Variants in SMPD3 observed in about 807,000 individuals in gnomAD.
SMPD3 encodes nSMase-2.
Under a neutral mutation model 55.7 loss-of-function variants are expected in SMPD3, and 21 were observed. The observed-to-expected ratio is 0.38, with a 90% CI of 0.27 to 0.54. The LOEUF is 0.54. Ranked by LOEUF, SMPD3 falls within the 20% of genes least tolerant of loss-of-function variation. The pLI is 0.80. For synonymous variants in SMPD3, 457 were observed against 404.3 expected (o/e 1.13, Z -1.56); for missense variants, 842 against 899.6 (o/e 0.94, Z 0.82).
Position 68,361,490 on chromosome 16 carries a change from A to C in SMPD3, c.1866+113T>G. On this transcript the variant is annotated intron_variant, in intron 8 of 8. Transcript: ENST00000219334. ...AGGGTCTGAGGGAGTGATGGGTATC[A>C]TTGTAAGAGTGGCCTGGGGCGTGGG... 9 of 1,470,950 alleles carry C rather than the reference A, an allele frequency of 6.1e-6. 1 individual carries two copies. In the Middle Eastern group the frequency reaches 1.8e-3, roughly 299 times the overall value. 91.1% of individuals were successfully genotyped at this position (1,470,950 alleles called of 1,614,324 possible).
intron 3 of SMPD3, chr16:68,368,200 T>C (rs536666608): frequency 6.6e-6 from 1 of 152,478 alleles, no homozygotes; most frequent in African/African-American, 2.4e-5. Context: ...AAGAGAGGAT[T>C]GTGTGGCTGG....
chr16:68,358,993 C>G lies in SMPD3; in HGVS notation c.*2213G>C, dbSNP rs1289216182. On this transcript the variant is annotated 3_prime_UTR_variant, in exon 9 of 9. Transcript: ENST00000219334. The stretch of plus-strand genomic sequence containing the variant: ...CCTTACTCTGGACCCCAGGACCTGA[C>G]TAGGCAGAGGCGACCTTGTGATGAC... 1.3e-5 allele frequency: 2 copies of G among 152,646 alleles called. No homozygotes were observed. The highest frequency in any genetic ancestry group is 2.9e-5 in the Non-Finnish European group (2 of 68,050). The allele number at this position is 152,646 out of a possible 1,614,324, so 9.5% of individuals were successfully genotyped here. A position where few individuals can be genotyped will look rare whatever the true frequency, so the allele number is the denominator to read the frequency against.
chr16:68,362,170 G>A (rs1473506335), intron 7 of SMPD3, among the ~76,000 whole-genome samples: 1 of 152,204 alleles, frequency 6.6e-6, no homozygotes, highest in African/African-American at 2.4e-5. Context: ...AGGAGCTGAG[G>A]GAGCCAGGAG....
At chr16:68,377,311 G>T (rs979474509) in intron 2 of SMPD3, among the ~76,000 whole-genome samples, 12 of 152,194 alleles carry the variant, frequency 7.9e-5, no homozygotes, top group Non-Finnish European at 1.8e-4. Context: ...CCCAAGTCCA[G>T]CTGTGAGGGG....
intron 1 of SMPD3, among the ~76,000 whole-genome samples, chr16:68,433,713 G>A (rs748798582): frequency 5.3e-5 from 8 of 152,224 alleles, no homozygotes; most frequent in South Asian, 4.1e-4. Flanking sequence ...GGACCTGGAC[G>A]AGCGAAGAAG....
Position 68,359,565 on chromosome 16 carries a change from T to C in SMPD3, c.*1641A>G, listed in dbSNP as rs981194422. On this transcript the variant is annotated 3_prime_UTR_variant, in exon 9 of 9. Coordinates refer to ENST00000219334, the MANE Select transcript of SMPD3 (RefSeq NM_018667.4). ...CTGCGTGGCCCCCTCTTGGTCCCTC[T>C]TGCAGCTCAATGGGTGACAAGGCAC... 1 of 152,758 alleles carries C rather than the reference T, an allele frequency of 6.5e-6. No homozygotes were observed. Among genetic ancestry groups the C allele is most frequent in the Non-Finnish European group, 1.5e-5 (1 of 68,094 alleles). 9.5% of individuals were successfully genotyped at this position (152,758 alleles called of 1,614,324 possible). A position where few individuals can be genotyped will look rare whatever the true frequency, so the allele number is the denominator to read the frequency against.
intron 7 of SMPD3, among the ~76,000 whole-genome samples, chr16:68,363,075 A>C (rs2089362649): frequency 6.6e-6 from 1 of 152,146 alleles, no homozygotes; most frequent in Admixed American, 6.5e-5. Context: ...GTGTTATTGC[A>C]GCTGGTGTCT....
At chr16:68,381,337 T>C (rs2089947597) in intron 2 of SMPD3, among the ~76,000 whole-genome samples, 1 of 152,188 alleles carries the variant, frequency 6.6e-6, no homozygotes, top group Admixed American at 6.5e-5. Flanking sequence ...TGAGAGAGGA[T>C]GCCCCAGCTC....
chr16:68,430,195 T>A (rs901079556), intron 1 of SMPD3, among the ~76,000 whole-genome samples: 2 of 148,502 alleles, frequency 1.3e-5, no homozygotes, highest in African/African-American at 5.0e-5. Context: ...CCCCAGCCAC[T>A]AACATACTCC....
intron 1 of SMPD3, among the ~76,000 whole-genome samples, chr16:68,439,974 A>T (rs182643277): frequency 6.6e-6 from 1 of 152,342 alleles, no homozygotes; most frequent in East Asian, 1.9e-4. Context: ...TACTTGCCTC[A>T]TTATCCCAGG....
In SMPD3 at chr16:68,441,304, A is replaced by T. The variant is rs146634769; in HGVS notation, c.-269+7049T>A. Among the ~76,000 whole-genome samples the T allele has an allele frequency of 8.4e-3, 1,274 of 152,328 alleles. 8 individuals carry two copies. Among genetic ancestry groups the T allele is most frequent in the Non-Finnish European group, 0.015 (1,015 of 68,030 alleles). ...ATGCAGCCCAAATAGCAGAGCCAGG[A>T]TTCAAATCCCAGGCTAATTGATTAC... On this transcript the variant is annotated intron_variant, in intron 1 of 8. Coordinates refer to ENST00000219334, the MANE Select transcript of SMPD3 (RefSeq NM_018667.4).
At chr16:68,386,043 C>T (rs548105631) in intron 2 of SMPD3, among the ~76,000 whole-genome samples, 2 of 152,002 alleles carry the variant, frequency 1.3e-5, no homozygotes, top group African/African-American at 2.4e-5. Flanking sequence ...GGCAACATGG[C>T]GACACCAGGC....
intron 1 of SMPD3, among the ~76,000 whole-genome samples, chr16:68,387,974 T>C (rs768576956): frequency 3.3e-5 from 5 of 152,170 alleles, no homozygotes; most frequent in Admixed American, 6.5e-5. Context: ...TGGGCTCTAA[T>C]GAGACCCGGT....
At chr16:68,374,517 T>C (rs1385427748) in intron 2 of SMPD3, among the ~76,000 whole-genome samples, 2 of 152,190 alleles carry the variant, frequency 1.3e-5, no homozygotes, top group Admixed American at 1.3e-4. Flanking sequence ...ATCTGGGACA[T>C]GGGCATCTCA....
rs757997200 is a variant in SMPD3, at chr16:68,372,104, T to A, written c.78A>T (p.Pro26=). 31 of 1,612,542 alleles carry A rather than the reference T, an allele frequency of 1.9e-5. No individual in the cohort carries two copies. The highest frequency in any genetic ancestry group is 2.5e-5 in the Non-Finnish European group (30 of 1,179,518). The part of the protein sequence containing the change: ...LHCVSWALIF[P]CYWLVDRLAA... Reference sequence around the variant, plus strand: ...CGAGCCGGTCCACCAGCCAGTAGCATGGAAAGATAAGGGCCCAGGACACAC... The same window carrying A: ...CGAGCCGGTCCACCAGCCAGTAGCAAGGAAAGATAAGGGCCCAGGACACAC... The change falls in exon 3 of 9, where the codon CCA becomes CCT. Residue 26 remains proline (P), a synonymous_variant. Transcript: ENST00000219334.
At chr16:68,431,322 G>A (rs1373533188) in intron 1 of SMPD3, among the ~76,000 whole-genome samples, 2 of 152,164 alleles carry the variant, frequency 1.3e-5, no homozygotes, top group African/African-American at 2.4e-5. Flanking sequence ...AGACAATAAG[G>A]TTCGGGACTA....
intron 1 of SMPD3, among the ~76,000 whole-genome samples, chr16:68,417,543 A>G (rs1208272858): frequency 3.3e-5 from 5 of 152,220 alleles, no homozygotes; most frequent in Non-Finnish European, 7.3e-5. Context: ...ACTTGGACTT[A>G]GGAAATATTG....
chr16:68,416,329 G>A (rs1435387510), intron 1 of SMPD3, among the ~76,000 whole-genome samples: 5 of 152,132 alleles, frequency 3.3e-5, no homozygotes, highest in African/African-American at 1.2e-4. Flanking sequence ...TTCCCTGTGA[G>A]CCCCTTCCCA....
At position 68,359,495 on chromosome 16, in the gene SMPD3, T is replaced by G. The variant is rs1010030635; in HGVS notation, c.*1711A>C. 6.5e-6 allele frequency: 1 copy of G among 152,736 alleles called. No homozygotes were observed. Among genetic ancestry groups the G allele is most frequent in the African/African-American group, 2.4e-5 (1 of 41,458 alleles). The allele number at this position is 152,736 out of a possible 1,614,324, so 9.5% of individuals were successfully genotyped here. A position where few individuals can be genotyped will look rare whatever the true frequency, so the allele number is the denominator to read the frequency against. On this transcript the variant is annotated 3_prime_UTR_variant, in exon 9 of 9. Transcript: ENST00000219334. The stretch of plus-strand genomic sequence containing the variant: ...CGTCCTAGCGCCAGGCTCCCTGGGC[T>G]CTGCAGCGTTGTCTGCCCCAGCACA...
Sources: allele counts gnomAD v4.1 joint callset (sites outside exome capture counted in the v4.1 genomes callset), GRCh38; gene constraint gnomAD v4.1.1; transcripts MANE v1.5; gene names NCBI Gene and HGNC (gene_info 2026-07-23, HGNC 2026-07-21).